RAD50: variants seen among roughly 807,000 people sequenced by gnomAD.
RAD50 encodes the protein RAD50 double strand break repair protein.
Under a neutral mutation model 168.8 loss-of-function variants are expected in RAD50, and 132 were observed. The ratio of observed to expected loss-of-function variants is 0.78; its 90% CI spans 0.68 to 0.90. The LOEUF (loss-of-function observed/expected upper bound fraction) is 0.90. Ranked by LOEUF, RAD50 falls within the 40% of genes least tolerant of loss-of-function variation. The probability of loss-of-function intolerance (pLI) is 0.00; values close to 1 mark genes in which losing one functional copy is unlikely to be tolerated. For synonymous variants in RAD50, 525 were observed against 497.4 expected, an observed-to-expected ratio of 1.06 and a Z score of -0.74; for missense variants, 1,347 against 1,534.4, an observed-to-expected ratio of 0.88 and a Z score of 2.04.
chr5:132,644,622 C>T lies in RAD50; in HGVS notation c.*2258C>T, dbSNP rs1751811947. The T allele has an allele frequency of 5.6e-6, 1 of 179,866 alleles. No individual in the cohort carries two copies. The highest frequency in any genetic ancestry group is 1.2e-5 in the Non-Finnish European group (1 of 84,002). 11.1% of individuals were successfully genotyped at this position (179,866 alleles called of 1,614,324 possible). The stretch of plus-strand genomic sequence containing the variant: ...TCAAGAAAAAGCTGTCTTCATTTCA[C>T]TCTTGTTGCAGTTATCTTTCATTCC... On this transcript the variant is annotated 3_prime_UTR_variant, in exon 25 of 25. Coordinates refer to ENST00000378823, the MANE Select transcript of RAD50 (RefSeq NM_005732.4).
chr5:132,630,099 A>G (rs970061861), intron 21 of RAD50, among the ~76,000 whole-genome samples: 28 of 150,780 alleles, frequency 1.9e-4, no homozygotes, highest in Non-Finnish European at 2.8e-4. Flanking sequence ...CTGGACTCCA[A>G]TGGTGCGATC....
intron 22 of RAD50, 133 bp downstream of exon 22, chr5:132,637,333 T>A: frequency 6.8e-7 from 1 of 1,459,886 alleles, no homozygotes; most frequent in Non-Finnish European, 9.2e-7. Context: ...TTTCTAAGAA[T>A]TCTTATCTTG....
intron 21 of RAD50, among the ~76,000 whole-genome samples, chr5:132,634,184 A>G (rs1018682206): frequency 3.9e-5 from 6 of 152,136 alleles, no homozygotes; most frequent in Non-Finnish European, 8.8e-5. Context: ...TTGTAATATC[A>G]CATCTACCAT....
At chr5:132,625,953 G>A (rs139041772) in intron 21 of RAD50, among the ~76,000 whole-genome samples, 104 of 151,516 alleles carry the variant, frequency 6.9e-4, no homozygotes, top group African/African-American at 2.4e-3. Flanking sequence ...CTGAAGTGCA[G>A]TGGTGTGATT....
At chr5:132,625,337 C>T (rs923438611) in intron 21 of RAD50, among the ~76,000 whole-genome samples, 15 of 152,178 alleles carry the variant, frequency 9.9e-5, no homozygotes, top group African/African-American at 3.1e-4. Flanking sequence ...CCGCCCGCCT[C>T]GGCCTCCCAA....
Position 132,587,625 on chromosome 5 carries a change from G to T in RAD50, c.820G>T (p.Ala274Ser), listed in dbSNP as rs1180650159. ...KIMKLDNEIK[A>S]LDSRKKQMEK... ...AATGAAACTTGACAATGAAATTAAA[G>T]CCTTGGATAGCCGAAAGAAGCAAAT... The change falls in exon 6 of 25, where the codon GCC becomes TCC. Residue 274 changes from alanine to serine, a missense_variant. Ala to Ser is a moderately conservative substitution (Grantham distance 99). Coordinates refer to ENST00000378823, the MANE Select transcript of RAD50 (RefSeq NM_005732.4). The T allele has an allele frequency of 1.2e-6, 2 of 1,613,660 alleles. No homozygotes were observed. Among genetic ancestry groups the T allele is most frequent in the Non-Finnish European group, 1.7e-6 (2 of 1,179,872 alleles).
intron 19 of RAD50, among the ~76,000 whole-genome samples, chr5:132,610,311 C>T (rs925604579): frequency 7.2e-5 from 11 of 151,778 alleles, no homozygotes; most frequent in African/African-American, 1.7e-4. Context: ...TCACAAAAGA[C>T]GGATTAAGGT....
intron 5 of RAD50, among the ~76,000 whole-genome samples, chr5:132,587,053 C>A (rs1750606488): frequency 6.6e-6 from 1 of 152,144 alleles, no homozygotes; most frequent in African/African-American, 2.4e-5. Context: ...TGGAAGCGAG[C>A]CTCAGAGCAG....
At chr5:132,637,420 G>A (rs1011154245) in intron 22 of RAD50, among the ~76,000 whole-genome samples, 3 of 152,060 alleles carry the variant, frequency 2.0e-5, no homozygotes, top group African/African-American at 7.2e-5. Context: ...ACTGCAGTAG[G>A]CATTATATTT....
At chr5:132,561,245 T>C (rs1378954164) in intron 2 of RAD50, among the ~76,000 whole-genome samples, 8 of 152,082 alleles carry the variant, frequency 5.3e-5, no homozygotes, top group Admixed American at 3.9e-4. Context: ...CAGGCTGGAG[T>C]GCAGTGTGGC....
chr5:132,557,031 C>G lies in RAD50; in HGVS notation c.-294C>G. On this transcript the variant is annotated 5_prime_UTR_variant, in exon 1 of 25. Coordinates refer to ENST00000378823, the MANE Select transcript of RAD50 (RefSeq NM_005732.4). ...AGCTGTGAGTGCGCGGTTGCGGGGT[C>G]GCATTGTGGCTACGGCTTTGCGTCC... 1.5e-6 allele frequency: 1 copy of G among 659,072 alleles called. No individual in the cohort carries two copies. Among genetic ancestry groups the G allele is most frequent in the Non-Finnish European group, 2.4e-6 (1 of 420,022 alleles). The allele number at this position is 659,072 out of a possible 1,614,324, so 40.8% of individuals were successfully genotyped here.
chr5:132,581,565 T>C (rs1750505300), intron 5 of RAD50, among the ~76,000 whole-genome samples: 2 of 152,256 alleles, frequency 1.3e-5, no homozygotes, highest in Non-Finnish European at 2.9e-5. Context: ...TGCAACTTTT[T>C]TTAACTGCAT....
intron 21 of RAD50, among the ~76,000 whole-genome samples, chr5:132,633,244 A>G (rs1751510107): frequency 6.6e-6 from 1 of 151,398 alleles, no homozygotes; most frequent in Non-Finnish European, 1.5e-5. Flanking sequence ...AGCTGGGACT[A>G]CAGGCATGTA....
intron 3 of RAD50, among the ~76,000 whole-genome samples, 173 bp from the exon 4 acceptor site, chr5:132,579,144 C>T (rs913903953): frequency 6.6e-6 from 1 of 152,048 alleles, no homozygotes; most frequent in African/African-American, 2.4e-5. Context: ...ATCTGTGAAC[C>T]GTTAAATAGT....
At chr5:132,596,489 G>T (rs1750793953) in intron 13 of RAD50, among the ~76,000 whole-genome samples, 1 of 152,148 alleles carries the variant, frequency 6.6e-6, no homozygotes, top group African/African-American at 2.4e-5. Context: ...TTTAAACTAT[G>T]TTTTTAATGT....
intron 1 of RAD50, 98 bp downstream of exon 1, chr5:132,557,551 T>C: frequency 1.3e-6 from 2 of 1,543,878 alleles, no homozygotes; most frequent in Non-Finnish European, 1.8e-6. Flanking sequence ...GAAGCGTCCC[T>C]AGGGCTCCAC....
At position 132,642,380 on chromosome 5, in the gene RAD50, A is replaced by G; in HGVS notation, c.*16A>G. The G allele has an allele frequency of 6.2e-7, 1 of 1,605,850 alleles. No homozygotes were observed. The highest frequency in any genetic ancestry group is 8.5e-7 in the Non-Finnish European group (1 of 1,172,698). ...TGTTCATTAAAAATATCCAAGATTTAAATGCCATAGAAATGTAGGTCCTCA... is the reference window on the plus strand; with the variant it reads ...TGTTCATTAAAAATATCCAAGATTTGAATGCCATAGAAATGTAGGTCCTCA... On this transcript the variant is annotated 3_prime_UTR_variant, in exon 25 of 25. Transcript: ENST00000378823.
intron 21 of RAD50, among the ~76,000 whole-genome samples, chr5:132,635,323 A>C (rs1751558769): frequency 6.6e-6 from 1 of 152,244 alleles, no homozygotes. Flanking sequence ...GTCATCAATA[A>C]TAATCATTAT....
intron 5 of RAD50, among the ~76,000 whole-genome samples, chr5:132,586,261 ATTG>A (rs1750592899): frequency 6.6e-6 from 1 of 152,174 alleles, no homozygotes; most frequent in African/African-American, 2.4e-5. Flanking sequence ...TTCTAATCTT[ATTG>A]TTATCTTGTC....
Sources: gnomAD v4.1 joint callset for allele counts (sites outside exome capture counted in the v4.1 genomes callset) on GRCh38, gnomAD v4.1.1 for gene constraint, MANE v1.5 for transcripts, NCBI Gene and HGNC (gene_info 2026-07-23, HGNC 2026-07-21) for gene names.